ASAP1: variants seen among roughly 807,000 people sequenced by gnomAD.
ASAP1 encodes the protein arf-GAP with SH3 domain, ANK repeat and PH domain-containing protein 1.
A neutral mutation model predicts 145.2 loss-of-function variants in ASAP1; 43 were observed. The ratio of observed to expected loss-of-function variants is 0.30; its 90% CI spans 0.23 to 0.38. The LOEUF is 0.38. Ranked by LOEUF, ASAP1 falls within the 10% of genes least tolerant of loss-of-function variation. The probability of loss-of-function intolerance (pLI) is 1.00; values close to 1 mark genes in which losing one functional copy is unlikely to be tolerated. For synonymous variants in ASAP1, 546 were observed against 515.5 expected (o/e 1.06, Z -0.80); for missense variants, 1,018 against 1,355.3 (o/e 0.75, Z 3.91).
intron 3 of ASAP1, among the ~76,000 whole-genome samples, chr8:130,301,392 C>A (rs1822652599): frequency 6.6e-6 from 1 of 152,198 alleles, no homozygotes; most frequent in Non-Finnish European, 1.5e-5. Context: ...CCTTCTGTTA[C>A]CTAGTAGCAT....
At chr8:130,201,689 G>C (rs946432959) in intron 5 of ASAP1, among the ~76,000 whole-genome samples, 1 of 152,198 alleles carries the variant, frequency 6.6e-6, no homozygotes, top group Non-Finnish European at 1.5e-5. Flanking sequence ...CTAGGCCTTG[G>C]TTTGAGAAAG....
chr8:130,299,609 T>C (rs1306112500), intron 3 of ASAP1, among the ~76,000 whole-genome samples: 3 of 152,100 alleles, frequency 2.0e-5, no homozygotes, highest in African/African-American at 4.8e-5. Flanking sequence ...TCTCCATAAA[T>C]TGTGACAAGA....
At chr8:130,264,665 A>G (rs1338760520) in intron 3 of ASAP1, among the ~76,000 whole-genome samples, 6 of 152,150 alleles carry the variant, frequency 3.9e-5, no homozygotes, top group African/African-American at 1.4e-4. Context: ...AATTCACTTC[A>G]CTATGTGCTA....
At chr8:130,263,434 C>A (rs577586308) in intron 3 of ASAP1, among the ~76,000 whole-genome samples, 96 of 152,266 alleles carry the variant, frequency 6.3e-4, no homozygotes, top group Admixed American at 6.1e-3. Context: ...AAAAAAGATG[C>A]AACAAGCAAA....
chr8:130,145,032 T>C (rs150965369), intron 13 of ASAP1, among the ~76,000 whole-genome samples: 2 of 152,336 alleles, frequency 1.3e-5, no homozygotes, highest in Non-Finnish European at 2.9e-5. Context: ...AAGAGCTTAC[T>C]GGGGCTCCTG....
intron 14 of ASAP1, 49 bp downstream of exon 14, chr8:130,136,902 A>C (rs2097596100): frequency 6.9e-7 from 1 of 1,449,936 alleles, no homozygotes; most frequent in Non-Finnish European, 9.7e-7. Context: ...GGAAATGTGC[A>C]GGTGTCAGAA....
intron 3 of ASAP1, among the ~76,000 whole-genome samples, chr8:130,311,734 C>G (rs578249049): frequency 3.4e-5 from 4 of 119,206 alleles, no homozygotes; most frequent in African/African-American, 1.3e-4. Flanking sequence ...GCACTCCAGC[C>G]TGGGCAACAA....
chr8:130,249,385 T>C (rs1819056804), intron 3 of ASAP1, among the ~76,000 whole-genome samples: 1 of 152,198 alleles, frequency 6.6e-6, no homozygotes, highest in African/African-American at 2.4e-5. Context: ...AAGTTCATGA[T>C]GTCCTAACAT....
At chr8:130,070,859 GAGAGAGGGA>G (rs1205135394) in intron 27 of ASAP1, among the ~76,000 whole-genome samples, 1 of 4,668 alleles carries the variant, frequency 2.1e-4, no homozygotes, top group Non-Finnish European at 3.9e-4. Context: ...GAGAGAGAGG[GAGAGAGGGA>G]GAGAGAGGGA....
intron 11 of ASAP1, among the ~76,000 whole-genome samples, chr8:130,161,807 T>C (rs1438128054): frequency 6.6e-6 from 1 of 152,184 alleles, no homozygotes; most frequent in Non-Finnish European, 1.5e-5. Flanking sequence ...TACATATGTA[T>C]ATATTTATTT....
At chr8:130,061,653 C>T (rs1228283036) in intron 27 of ASAP1, among the ~76,000 whole-genome samples, 1 of 152,146 alleles carries the variant, frequency 6.6e-6, no homozygotes, top group Non-Finnish European at 1.5e-5. Context: ...CTACTTTGTG[C>T]CCCTGTCTCG....
chr8:130,370,553 T>C (rs1226656362), intron 2 of ASAP1, among the ~76,000 whole-genome samples: 2 of 152,186 alleles, frequency 1.3e-5, no homozygotes, highest in African/African-American at 2.4e-5. Flanking sequence ...CCTAGGTATA[T>C]ACACAAGAGA....
At position 130,234,202 on chromosome 8, in the gene ASAP1, A is replaced by G. The variant is rs1373191981; in HGVS notation, c.259+2720T>C. Among the ~76,000 whole-genome samples the G allele has an allele frequency of 3.3e-5, 5 of 152,130 alleles. No individual in the cohort carries two copies. In the South Asian group the frequency reaches 6.2e-4, roughly 19 times the overall value. On this transcript the variant is annotated intron_variant, in intron 4 of 29. Coordinates refer to ENST00000518721, the MANE Select transcript of ASAP1 (RefSeq NM_018482.4). ...TTCCTGTGATGATGGAGAAGTTTCT[A>G]TTTCTGCACTATCCAATATGGCACC...
intron 4 of ASAP1, among the ~76,000 whole-genome samples, chr8:130,228,700 TA>T (rs34562395): frequency 0.36 from 46,837 of 128,800 alleles, 7,885 homozygotes; most frequent in East Asian, 0.64. Flanking sequence ...GACCCTGTCT[TA>T]AAAAAAAAAA....
intron 3 of ASAP1, among the ~76,000 whole-genome samples, chr8:130,308,459 G>A (rs987027259): frequency 4.6e-5 from 7 of 152,088 alleles, no homozygotes; most frequent in African/African-American, 1.4e-4. Context: ...AATAAGATAC[G>A]GATGTTCTTT....
intron 11 of ASAP1, 107 bp downstream of exon 11, chr8:130,167,429 C>T (rs1480855983): frequency 2.2e-6 from 2 of 899,036 alleles, no homozygotes; most frequent in Admixed American, 1.7e-5. Flanking sequence ...TACATACTTG[C>T]ATATTATATA....
At position 130,116,710 on chromosome 8, in the gene ASAP1, T is replaced by A; in HGVS notation, c.2032A>T (p.Lys678Ter). 1 of 1,614,142 alleles carries A rather than the reference T, an allele frequency of 6.2e-7. No individual in the cohort carries two copies. Among genetic ancestry groups the A allele is most frequent in the Non-Finnish European group, 8.5e-7 (1 of 1,179,998 alleles). Residue 678 changes from lysine to a stop codon, truncating the protein, a stop_gained, in exon 22 of 30, where the codon AAG becomes TAG. Coordinates refer to ENST00000518721, the MANE Select transcript of ASAP1 (RefSeq NM_018482.4). LOFTEE classifies it high-confidence loss of function. ...TCACACTGGGTAGCTTTTAGTCTCT[T>A]TGCTATGTCTAGGGCAGTTTCTCCA... is the stretch of plus-strand genomic sequence containing the variant. ...QAGETALDIA[K>*]RLKATQCEDL... is the part of the protein sequence containing the mutation.
At chr8:130,395,883 C>T (rs921739372) in intron 2 of ASAP1, among the ~76,000 whole-genome samples, 5 of 152,208 alleles carry the variant, frequency 3.3e-5, no homozygotes, top group Admixed American at 3.3e-4. Context: ...CTAGGCTGAT[C>T]TCGAACTCCT....
intron 6 of ASAP1, 149 bp downstream of exon 6, chr8:130,187,960 T>C: frequency 1.5e-6 from 1 of 655,872 alleles, no homozygotes; most frequent in Non-Finnish European, 2.6e-6. Flanking sequence ...AGAGGCACAT[T>C]TTTTCCAATG....
Sources: gnomAD v4.1 joint callset for allele counts (sites outside exome capture counted in the v4.1 genomes callset) on GRCh38, gnomAD v4.1.1 for gene constraint, MANE v1.5 for transcripts, NCBI Gene and HGNC (gene_info 2026-07-23, HGNC 2026-07-21) for gene names.